The following DNAH3 variants were observed in gnomAD, a reference collection of about 807,000 sequenced individuals.
DNAH3 encodes the protein dynein axonemal heavy chain 3.
In DNAH3, 332 loss-of-function variants were observed where a neutral mutation model predicts 432.5. The observed-to-expected ratio is 0.77, with a 90% CI of 0.70 to 0.84. The LOEUF is 0.84. Among genes scored for constraint, DNAH3 ranks in the 40% least tolerant of loss-of-function variants. The probability of loss-of-function intolerance (pLI) is 0.00; values close to 1 mark genes in which losing one functional copy is unlikely to be tolerated. For synonymous variants in DNAH3, 1,956 were observed against 1,900.2 expected (o/e 1.03, Z -0.76); for missense variants, 4,861 against 5,114.0 (o/e 0.95, Z 1.51).
chr16:21,134,322 T>C (rs1378380125), exon 7 of DNAH3: 2 of 1,614,004 alleles, frequency 1.2e-6, no homozygotes, highest in South Asian at 2.2e-5. Flanking sequence ...ATGCTCCTCG[T>C]TCCACTTCTT....
intron 60 of DNAH3, among the ~76,000 whole-genome samples, chr16:20,936,035 T>G (rs1028446761): frequency 2.0e-5 from 3 of 152,148 alleles, no homozygotes; most frequent in Admixed American, 6.6e-5. Context: ...AGTACAAACA[T>G]CGGATTTTTA....
rs372440892 is a variant in DNAH3 at position 20,966,879 on chromosome 16, C to T, written c.8459-1454G>A. On this transcript the variant is annotated intron_variant, in intron 52 of 61. Coordinates refer to ENST00000261383, the Ensembl canonical transcript of DNAH3. ...GCTTCCACCCATACAGAAGACTACC[C>T]GTGGCCTGCCCAGACACAAAGCCAG... Among the ~76,000 whole-genome samples, 86 of 152,236 alleles carry T rather than the reference C, an allele frequency of 5.6e-4. 2 individuals carry two copies. The South Asian group carries it at 0.011, about 20-fold the overall frequency.
intron 56 of DNAH3, among the ~76,000 whole-genome samples, chr16:20,949,462 G>A (rs2152574579): frequency 6.6e-6 from 1 of 152,066 alleles, no homozygotes; most frequent in East Asian, 1.9e-4. Context: ...TACTGTTGTT[G>A]TTAATCTCTC....
rs369321873 is a variant in DNAH3, at chr16:21,060,514, C to CT, written c.3721-159dup. On this transcript the variant is annotated intron_variant, in intron 25 of 61. Transcript: ENST00000261383. ...TTCTCTGTCTCCCCGTTCTTTTTTT[C>CT]TTTTTTTTTTTCTTTTTTTTTTTTT... is the stretch of plus-strand genomic sequence containing the variant. Among the ~76,000 whole-genome samples, 806 of 127,184 alleles carry CT rather than the reference C, an allele frequency of 6.3e-3. 7 individuals are homozygous for CT. Among genetic ancestry groups the CT allele is most frequent in the South Asian group, 9.4e-3 (36 of 3,824 alleles). 83.4% of individuals were successfully genotyped at this position (127,184 alleles called of 152,430 possible).
chr16:21,049,764 G>A (rs1222029836), intron 30 of DNAH3, 82 bp from the exon 31 acceptor site: 16 of 1,403,876 alleles, frequency 1.1e-5, no homozygotes, highest in Admixed American at 3.4e-5. Flanking sequence ...ACAGCAGTGG[G>A]CTCCTCTCTC....
At chr16:21,098,523 G>A in intron 17 of DNAH3, 93 bp downstream of exon 17, 1 of 1,280,100 alleles carries the variant, frequency 7.8e-7, no homozygotes, top group Non-Finnish European at 1.1e-6. Flanking sequence ...TATCCACCTA[G>A]TAGATGCTAT....
chr16:20,989,022 G>A (rs1167131833), intron 44 of DNAH3, among the ~76,000 whole-genome samples: 1 of 152,210 alleles, frequency 6.6e-6, no homozygotes, highest in Non-Finnish European at 1.5e-5. Context: ...CATAAAAGCA[G>A]TGTGGACCCA....
chr16:21,036,156 C>A, intron 35 of DNAH3, among the ~76,000 whole-genome samples: 1 of 152,056 alleles, frequency 6.6e-6, no homozygotes, highest in East Asian at 1.9e-4. Context: ...GAAACCCCAT[C>A]CCTACAAAAA....
At position 21,081,664 on chromosome 16, in the gene DNAH3, C is replaced by A; in HGVS notation, c.2941G>T (p.Glu981Ter). Reference sequence around the variant, plus strand: ...TCAACGAATTTGCCGAATCCAAATTCGAGCATATTTGAGAGGCAGGTCGTT... The same window carrying A: ...TCAACGAATTTGCCGAATCCAAATTAGAGCATATTTGAGAGGCAGGTCGTT... The change falls in exon 20 of 62, where the codon GAA becomes TAA. Residue 981 changes from glutamate to a stop codon, truncating the protein, a stop_gained. Coordinates refer to ENST00000261383, the Ensembl canonical transcript of DNAH3. LOFTEE classifies it high-confidence loss of function. 2 of 1,613,530 alleles carry A rather than the reference C, an allele frequency of 1.2e-6. No individual in the cohort carries two copies. The highest frequency in any genetic ancestry group is 2.7e-5 in the African/African-American group (2 of 75,024).
intron 19 of DNAH3, among the ~76,000 whole-genome samples, chr16:21,085,527 C>CAAAA (rs34136946): frequency 4.9e-5 from 4 of 81,320 alleles, no homozygotes; most frequent in Admixed American, 1.5e-4. Flanking sequence ...GATTCCACCT[C>CAAAA]AAAAAAAAAA....
chr16:20,951,710 C>T (rs1340504174), intron 56 of DNAH3, among the ~76,000 whole-genome samples: 1 of 147,744 alleles, frequency 6.8e-6, no homozygotes, highest in East Asian at 2.0e-4. Context: ...GCTGGGATTA[C>T]AGGCATGATC....
chr16:20,988,175 G>C, intron 44 of DNAH3, 110 bp from the exon 45 acceptor site: 7 of 1,439,628 alleles, frequency 4.9e-6, no homozygotes, highest in African/African-American at 1.4e-5. Flanking sequence ...TCATGTTCCA[G>C]AGCTGTGCTG....
At chr16:20,964,745 C>G (rs2084977107) in exon 53 of DNAH3, 1 of 1,614,108 alleles carries the variant, frequency 6.2e-7, no homozygotes, top group African/African-American at 1.3e-5. Context: ...TTTATGGGAT[C>G]CCCTAACGTG....
At chr16:20,959,307 G>C (rs772117284) in exon 54 of DNAH3, 7 of 1,614,194 alleles carry the variant, frequency 4.3e-6, no homozygotes. Flanking sequence ...TGGCATTGTT[G>C]ATCATTTTGG....
chr16:21,003,248 G>T, intron 41 of DNAH3, 41 bp from the exon 42 acceptor site: 1 of 1,341,750 alleles, frequency 7.5e-7, no homozygotes, highest in Non-Finnish European at 1.0e-6. Flanking sequence ...GCACATGAAG[G>T]CTTTACTTGC....
chr16:21,134,136 T>C, intron 7 of DNAH3, 123 bp downstream of exon 8: 1 of 969,952 alleles, frequency 1.0e-6, no homozygotes, highest in East Asian at 2.7e-5. Flanking sequence ...TTGGCCTAGA[T>C]TTTTTTTTCT....
intron 1 of DNAH3, among the ~76,000 whole-genome samples, chr16:21,146,424 C>T (rs6497539): frequency 0.46 from 69,179 of 151,768 alleles, 16,065 homozygotes; most frequent in East Asian, 0.68. Flanking sequence ...GGCATGGTGG[C>T]GTGTGCCTGT....
At chr16:21,102,371 A>G (rs1158036032) in intron 16 of DNAH3, among the ~76,000 whole-genome samples, 2 of 152,242 alleles carry the variant, frequency 1.3e-5, no homozygotes, top group Non-Finnish European at 2.9e-5. Context: ...TCTTGGAGTA[A>G]TATTCTAAAA....
intron 41 of DNAH3, among the ~76,000 whole-genome samples, chr16:21,014,432 A>G (rs1369050325): frequency 1.3e-5 from 2 of 152,220 alleles, no homozygotes; most frequent in Non-Finnish European, 2.9e-5. Flanking sequence ...CTCTCAGTAA[A>G]CTAGTAATAG....
Sources: allele counts gnomAD v4.1 joint callset (sites outside exome capture counted in the v4.1 genomes callset), GRCh38; gene constraint gnomAD v4.1.1; transcripts MANE v1.5; gene names NCBI Gene and HGNC (gene_info 2026-07-23, HGNC 2026-07-21).